Variants in HECW1 observed in about 807,000 individuals in gnomAD.
HECW1 encodes the protein E3 ubiquitin-protein ligase HECW1.
Under a neutral mutation model 182.3 loss-of-function variants are expected in HECW1, and 61 were observed. That is an observed-to-expected ratio of 0.33 (90% CI 0.27 to 0.41). The LOEUF (loss-of-function observed/expected upper bound fraction) is 0.41, where lower values mean the gene tolerates loss of function less well. HECW1 is among the 10% of genes least tolerant of loss of function. The pLI is 1.00. For missense variants in HECW1, 1,739 were observed against 2,108.9 expected, an observed-to-expected ratio of 0.82 and a Z score of 3.44; for synonymous variants, 859 against 832.6, an observed-to-expected ratio of 1.03 and a Z score of -0.55.
intron 17 of HECW1, 71 bp from the exon 18 acceptor site, chr7:43,492,004 A>C (rs1010610431): frequency 2.5e-5 from 28 of 1,124,464 alleles, no homozygotes; most frequent in Non-Finnish European, 3.3e-5. Context: ...CCTTAGGTTG[A>C]AAAACTGGTA....
intron 5 of HECW1, among the ~76,000 whole-genome samples, chr7:43,357,281 G>T (rs10276567): frequency 0.44 from 66,814 of 151,922 alleles, 14,809 homozygotes; most frequent in Non-Finnish European, 0.47. Flanking sequence ...CTCCCATGTT[G>T]ATTGCAGTAC....
chr7:43,276,003 G>C (rs968026777), intron 3 of HECW1, among the ~76,000 whole-genome samples: 3 of 152,210 alleles, frequency 2.0e-5, no homozygotes, highest in African/African-American at 7.2e-5. Flanking sequence ...GGAAGACAGA[G>C]GCAGAGGTTT....
intron 2 of HECW1, among the ~76,000 whole-genome samples, chr7:43,150,307 T>C (rs1789157046): frequency 6.6e-6 from 1 of 152,250 alleles, no homozygotes; most frequent in Non-Finnish European, 1.5e-5. Flanking sequence ...TGTATTCCTC[T>C]GACCAATTGA....
chr7:43,339,622 A>G (rs1487118666), intron 5 of HECW1, among the ~76,000 whole-genome samples: 1 of 152,198 alleles, frequency 6.6e-6, no homozygotes, highest in Non-Finnish European at 1.5e-5. Context: ...GTCAATTGCC[A>G]TACATTGGGT....
intron 2 of HECW1, among the ~76,000 whole-genome samples, chr7:43,217,093 G>A (rs554589126): frequency 6.7e-6 from 1 of 149,806 alleles, no homozygotes; most frequent in African/African-American, 2.5e-5. Flanking sequence ...ACACTCTCCT[G>A]TTTGTGTCCC....
At chr7:43,349,815 C>A (rs1482939844) in intron 5 of HECW1, among the ~76,000 whole-genome samples, 1 of 152,188 alleles carries the variant, frequency 6.6e-6, no homozygotes, top group Non-Finnish European at 1.5e-5. Flanking sequence ...GGTTCTGTAT[C>A]TTTTAAGTGG....
At chr7:43,250,839 T>G (rs59125324) in intron 3 of HECW1, among the ~76,000 whole-genome samples, 10,934 of 152,206 alleles carry the variant, frequency 0.072, 616 homozygotes, top group East Asian at 0.21. Context: ...TTGAAAAAAA[T>G]CAAAAGCTCC....
intron 15 of HECW1, among the ~76,000 whole-genome samples, chr7:43,467,065 G>A (rs1245724589): frequency 6.6e-6 from 1 of 152,110 alleles, no homozygotes; most frequent in Non-Finnish European, 1.5e-5. Flanking sequence ...TTTCAAGAAA[G>A]CAATGGCATG....
At chr7:43,396,390 G>T (rs148671210) in intron 6 of HECW1, among the ~76,000 whole-genome samples, 8 of 152,274 alleles carry the variant, frequency 5.3e-5, no homozygotes, top group South Asian at 2.1e-4. Context: ...AATAAGTGGA[G>T]ATGCAGCAGT....
At position 43,564,455 on chromosome 7, in the gene HECW1, ATAGG is replaced by A. The variant is rs1222426436; in HGVS notation, c.*2532_*2535del. 5.4e-6 allele frequency: 1 copy of A among 186,000 alleles called. No individual in the cohort carries two copies. The highest frequency in any genetic ancestry group is 1.1e-5 in the Non-Finnish European group (1 of 87,830). 11.5% of individuals were successfully genotyped at this position (186,000 alleles called of 1,614,324 possible). On this transcript the variant is annotated 3_prime_UTR_variant, in exon 30 of 30. Transcript: ENST00000395891. ...GCAGTATCTCAGAAATTATATATAGATAGGTAACTTTGGCATACATGATTTTTCA... is the reference window on the plus strand; with the variant it reads ...GCAGTATCTCAGAAATTATATATAGATAACTTTGGCATACATGATTTTTCA...
intron 2 of HECW1, among the ~76,000 whole-genome samples, chr7:43,130,444 T>A (rs1786788915): frequency 6.6e-6 from 1 of 152,168 alleles, no homozygotes; most frequent in Non-Finnish European, 1.5e-5. Flanking sequence ...AAAGCAAGGG[T>A]GTCACTATCT....
chr7:43,524,962 C>A (rs964179151), intron 24 of HECW1, among the ~76,000 whole-genome samples: 2 of 152,182 alleles, frequency 1.3e-5, no homozygotes, highest in Non-Finnish European at 2.9e-5. Context: ...CGAGAATCAG[C>A]GTTAATTAAC....
chr7:43,453,752 C>T (rs2077310748), intron 12 of HECW1, among the ~76,000 whole-genome samples: 2 of 152,172 alleles, frequency 1.3e-5, no homozygotes, highest in South Asian at 4.1e-4. Flanking sequence ...ACCTGACCTG[C>T]ACTGCTATAA....
At chr7:43,558,784 G>A (rs1389744442) in intron 29 of HECW1, among the ~76,000 whole-genome samples, 1 of 152,134 alleles carries the variant, frequency 6.6e-6, no homozygotes, top group Admixed American at 6.6e-5. Context: ...AAACCAAGGA[G>A]AAGCCAAGGA....
intron 2 of HECW1, among the ~76,000 whole-genome samples, chr7:43,162,388 G>T (rs1000601997): frequency 6.6e-6 from 1 of 152,194 alleles, no homozygotes; most frequent in African/African-American, 2.4e-5. Context: ...GCTTCTGGGG[G>T]CTCCAGTTGT....
At chr7:43,259,365 C>A (rs1800934937) in intron 3 of HECW1, among the ~76,000 whole-genome samples, 1 of 145,724 alleles carries the variant, frequency 6.9e-6, no homozygotes. Context: ...CCAGCCTGGG[C>A]AACAGAGTGA....
chr7:43,385,280 TCTCCC>T (rs1435160050), intron 6 of HECW1, among the ~76,000 whole-genome samples: 12 of 32,380 alleles, frequency 3.7e-4, no homozygotes, highest in Non-Finnish European at 5.4e-4. Context: ...TCCCCTCCCC[TCTCCC>T]CTCCCCTCCC....
At chr7:43,254,933 TC>T (rs1800407104) in intron 3 of HECW1, among the ~76,000 whole-genome samples, 1 of 152,214 alleles carries the variant, frequency 6.6e-6, no homozygotes, top group Non-Finnish European at 1.5e-5. Flanking sequence ...CTTGGTTTGC[TC>T]CCCTCATCAC....
chr7:43,360,782 T>TG, intron 5 of HECW1, 104 bp from the exon 6 acceptor site: 1 of 836,806 alleles, frequency 1.2e-6, no homozygotes, highest in Non-Finnish European at 2.0e-6. Flanking sequence ...GGCTTGCTCG[T>TG]GGGGGAATTA....
Sources: allele counts gnomAD v4.1 joint callset (sites outside exome capture counted in the v4.1 genomes callset), GRCh38; gene constraint gnomAD v4.1.1; transcripts MANE v1.5; gene names NCBI Gene and HGNC (gene_info 2026-07-23, HGNC 2026-07-21).